PPP2R2B: variants seen among roughly 807,000 people sequenced by gnomAD.
PPP2R2B encodes serine/threonine-protein phosphatase 2A 55 kDa regulatory subunit B beta isoform.
Under a neutral mutation model 46.0 loss-of-function variants are expected in PPP2R2B, and 5 were observed. That is an observed-to-expected ratio of 0.11 (90% confidence interval 0.06 to 0.23). The LOEUF is 0.23. Among genes scored for constraint, PPP2R2B ranks in the 10% least tolerant of loss-of-function variants. The pLI, the probability that PPP2R2B is intolerant of heterozygous loss-of-function variation, is 1.00. For synonymous variants in PPP2R2B, 215 were observed against 206.7 expected (o/e 1.04, Z -0.34); for missense variants, 367 against 575.0 (o/e 0.64, Z 3.70).
intron 1 of PPP2R2B, among the ~76,000 whole-genome samples, chr5:146,932,060 T>C (rs1022250724): frequency 6.6e-6 from 1 of 152,182 alleles, no homozygotes; most frequent in African/African-American, 2.4e-5. Flanking sequence ...CTTTGAACCT[T>C]CCTTAGTATG....
At chr5:147,012,230 C>A (rs1450444546) in intron 1 of PPP2R2B, among the ~76,000 whole-genome samples, 1 of 152,048 alleles carries the variant, frequency 6.6e-6, no homozygotes, top group African/African-American at 2.4e-5. Flanking sequence ...GGTTGGTAAG[C>A]TATTGATTAT....
chr5:146,934,854 T>C (rs1561528169), intron 1 of PPP2R2B, among the ~76,000 whole-genome samples: 3 of 151,904 alleles, frequency 2.0e-5, no homozygotes, highest in Non-Finnish European at 4.4e-5. Context: ...CAGCTGATAA[T>C]GTCTGTAAAT....
intron 6 of PPP2R2B, among the ~76,000 whole-genome samples, chr5:146,647,859 C>A (rs1385019181): frequency 6.6e-6 from 1 of 152,198 alleles, no homozygotes; most frequent in Non-Finnish European, 1.5e-5. Flanking sequence ...CACTGCCAGG[C>A]AAAATCTGTA....
chr5:146,601,879 A>G (rs888964364), intron 7 of PPP2R2B, among the ~76,000 whole-genome samples: 1 of 152,090 alleles, frequency 6.6e-6, no homozygotes, highest in Admixed American at 6.6e-5. Context: ...GGTTCTTATT[A>G]TCTCTCTCAA....
At chr5:146,713,266 A>G (rs1780306748) in intron 2 of PPP2R2B, among the ~76,000 whole-genome samples, 1 of 152,178 alleles carries the variant, frequency 6.6e-6, no homozygotes, top group African/African-American at 2.4e-5. Flanking sequence ...ACATGTGTTA[A>G]GGGATCAGTG....
At chr5:146,938,751 CTTTTTTTTTTTTT>C (rs33961672) in intron 1 of PPP2R2B, among the ~76,000 whole-genome samples, 4 of 65,972 alleles carry the variant, frequency 6.1e-5, no homozygotes, top group African/African-American at 2.7e-4. Context: ...AGATAATAGC[CTTTTTTTTTTTTT>C]TTTTTTTTTT....
chr5:146,980,203 A>G (rs115486589), intron 1 of PPP2R2B, among the ~76,000 whole-genome samples: 49 of 152,306 alleles, frequency 3.2e-4, no homozygotes, highest in Admixed American at 3.3e-4. Flanking sequence ...GCATGTATCT[A>G]TGTTTCAGAG....
chr5:147,052,036 A>G (rs1184069679), intron 1 of PPP2R2B, among the ~76,000 whole-genome samples: 9 of 151,934 alleles, frequency 5.9e-5, no homozygotes, highest in Non-Finnish European at 7.4e-5. Flanking sequence ...TGCTTCCTTA[A>G]TGAGGTCCAC....
chr5:146,883,738 T>G (rs1219622721), upstream of PPP2R2B, among the ~76,000 whole-genome samples: 4 of 152,252 alleles, frequency 2.6e-5, no homozygotes, highest in African/African-American at 9.6e-5. Flanking sequence ...TTCCTGTTTG[T>G]GCATGCTACA....
chr5:146,600,320 T>G lies in PPP2R2B; in HGVS notation c.931A>C (p.Met311Leu), dbSNP rs1314166184. Residue 311 changes from methionine to leucine, a missense_variant, in exon 8 of 10, where the codon ATG (methionine) becomes CTG (leucine). Transcript: ENST00000394411. ...YLTVKVWDLNMENRPIETYQV... is the reference protein window; with the variant it reads ...YLTVKVWDLNLENRPIETYQV... ...TAAGTCTCGATGGGGCGGTTTTCCA[T>G]GTTGAGATCCCAGACTTTGACGGTC... 2 of 1,613,798 alleles carry G rather than the reference T, an allele frequency of 1.2e-6. No individual in the cohort carries two copies. Among genetic ancestry groups the G allele is most frequent in the African/African-American group, 2.7e-5 (2 of 74,890 alleles).
intron 1 of PPP2R2B, among the ~76,000 whole-genome samples, chr5:146,973,923 G>A (rs372048999): frequency 2.0e-5 from 3 of 152,300 alleles, no homozygotes; most frequent in African/African-American, 7.2e-5. Flanking sequence ...TATAGGGTAA[G>A]GGATCCTTGT....
At chr5:146,698,317 A>AATATAT (rs35533710) in intron 3 of PPP2R2B, among the ~76,000 whole-genome samples, 173 bp from the exon 4 acceptor site, 42 of 85,644 alleles carry the variant, frequency 4.9e-4, no homozygotes, top group East Asian at 2.0e-3. Context: ...AAAAAAAAAA[A>AATATAT]ATATATATAT....
At chr5:146,759,856 T>C (rs956517978) in intron 2 of PPP2R2B, among the ~76,000 whole-genome samples, 1 of 152,038 alleles carries the variant, frequency 6.6e-6, no homozygotes, top group African/African-American at 2.4e-5. Context: ...GAGCAAAACA[T>C]TTGTCAACTC....
intron 1 of PPP2R2B, among the ~76,000 whole-genome samples, chr5:146,953,795 G>A (rs754092379): frequency 2.0e-5 from 3 of 151,974 alleles, no homozygotes; most frequent in Non-Finnish European, 2.9e-5. Context: ...GGTGACTATC[G>A]GCTACTGAGG....
intron 7 of PPP2R2B, among the ~76,000 whole-genome samples, chr5:146,635,352 T>C (rs188466815): frequency 6.6e-6 from 1 of 152,128 alleles, no homozygotes; most frequent in Non-Finnish European, 1.5e-5. Context: ...GGGTTTTTTT[T>C]TGTGTGTTTA....
intron 1 of PPP2R2B, among the ~76,000 whole-genome samples, chr5:146,939,793 A>G (rs529071646): frequency 1.3e-5 from 2 of 152,328 alleles, no homozygotes; most frequent in East Asian, 1.9e-4. Flanking sequence ...ATATTTATGT[A>G]TAGCTTGCTT....
chr5:146,711,595 G>A (rs1470431677), intron 2 of PPP2R2B, among the ~76,000 whole-genome samples: 1 of 152,184 alleles, frequency 6.6e-6, no homozygotes, highest in Admixed American at 6.5e-5. Flanking sequence ...GGATGTCCAG[G>A]TAGGGTCCTA....
At chr5:147,041,222 A>C (rs1477312784) in intron 1 of PPP2R2B, among the ~76,000 whole-genome samples, 2 of 151,874 alleles carry the variant, frequency 1.3e-5, no homozygotes, top group Admixed American at 6.6e-5. Context: ...GTCACTTCCA[A>C]CTCTGGCTGT....
intron 2 of PPP2R2B, among the ~76,000 whole-genome samples, chr5:146,759,923 C>G (rs1478477990): frequency 6.6e-6 from 1 of 152,018 alleles, no homozygotes; most frequent in Non-Finnish European, 1.5e-5. Context: ...TATGATGTGC[C>G]AATAGTGTAT....
Sources: gnomAD v4.1 joint callset for allele counts (sites outside exome capture counted in the v4.1 genomes callset) on GRCh38, gnomAD v4.1.1 for gene constraint, MANE v1.5 for transcripts, NCBI Gene and HGNC (gene_info 2026-07-23, HGNC 2026-07-21) for gene names.